Variants in SLC39A14 observed in about 807,000 individuals in gnomAD.
SLC39A14 encodes metal cation symporter ZIP14.
SLC39A14 carries 19 observed loss-of-function variants against 45.5 expected under a neutral mutation model. The ratio of observed to expected loss-of-function variants is 0.42; its 90% CI spans 0.29 to 0.61. The LOEUF (loss-of-function observed/expected upper bound fraction) is 0.61, where lower values mean the gene tolerates loss of function less well. Among genes scored for constraint, SLC39A14 ranks in the 20% least tolerant of loss-of-function variants. The pLI is 0.22. For synonymous variants in SLC39A14, 264 were observed against 251.3 expected, an observed-to-expected ratio of 1.05 and a Z score of -0.48; for missense variants, 447 against 616.5, an observed-to-expected ratio of 0.73 and a Z score of 2.91.
chr8:22,429,502 T>A (rs1396671366), intron 8 of SLC39A14, among the ~76,000 whole-genome samples: 1 of 152,256 alleles, frequency 6.6e-6, no homozygotes, highest in Non-Finnish European at 1.5e-5. Flanking sequence ...TCTGTACTAG[T>A]AGTAATTAAC....
At chr8:22,386,864 A>G (rs1210700979) in intron 1 of SLC39A14, among the ~76,000 whole-genome samples, 1 of 152,174 alleles carries the variant, frequency 6.6e-6, no homozygotes, top group Non-Finnish European at 1.5e-5. Flanking sequence ...GCCTTGAAGA[A>G]TGAGCAGCAT....
chr8:22,382,967 A>G (rs996650927), intron 1 of SLC39A14, among the ~76,000 whole-genome samples: 5 of 151,370 alleles, frequency 3.3e-5, no homozygotes, highest in African/African-American at 1.2e-4. Context: ...ATCCACCCGC[A>G]TCGGCCTCCC....
intron 1 of SLC39A14, among the ~76,000 whole-genome samples, chr8:22,399,492 A>G (rs1409263258): frequency 6.6e-6 from 1 of 152,188 alleles, no homozygotes; most frequent in Admixed American, 6.5e-5. Context: ...AGCGCTGGCC[A>G]GGCAGGGGGG....
At chr8:22,375,978 T>C (rs1193490904) in intron 1 of SLC39A14, among the ~76,000 whole-genome samples, 3 of 152,202 alleles carry the variant, frequency 2.0e-5, no homozygotes, top group Non-Finnish European at 4.4e-5. Context: ...CTGCAGGCCT[T>C]ATTTAAACGT....
Position 22,420,354 on chromosome 8 carries a change from C to A in SLC39A14, c.*656C>A, listed in dbSNP as rs1836154219. 1.9e-5 allele frequency: 19 copies of A among 985,446 alleles called. No individual in the cohort carries two copies. Among genetic ancestry groups the A allele is most frequent in the Non-Finnish European group, 2.3e-5 (19 of 829,952 alleles). 61.0% of individuals were successfully genotyped at this position (985,446 alleles called of 1,614,324 possible). Reference sequence around the variant, plus strand: ...ATGCTCACTTGTTCCTACTGAGATGCTGGATATTGATTTTGTAACAGCACC... The same window carrying A: ...ATGCTCACTTGTTCCTACTGAGATGATGGATATTGATTTTGTAACAGCACC... On this transcript the variant is annotated 3_prime_UTR_variant, in exon 9 of 9. Transcript: ENST00000381237.
At position 22,404,705 on chromosome 8, in the gene SLC39A14, G is replaced by A; in HGVS notation, c.-6G>A. 1 of 1,593,700 alleles carries A rather than the reference G, an allele frequency of 6.3e-7. No homozygotes were observed. The highest frequency in any genetic ancestry group is 8.5e-7 in the Non-Finnish European group (1 of 1,177,314). On this transcript the variant is annotated 5_prime_UTR_variant, in exon 2 of 9. Coordinates refer to ENST00000381237, the MANE Select transcript of SLC39A14 (RefSeq NM_001128431.4). Reference sequence around the variant, plus strand: ...CCTTTTTCTCTCACAGGTTTATTCAGTCACCATGAAGCTGCTGCTGCTGCA... The same window carrying A: ...CCTTTTTCTCTCACAGGTTTATTCAATCACCATGAAGCTGCTGCTGCTGCA...
At chr8:22,401,539 CTTTCTTTTT>C (rs1479317596) in intron 1 of SLC39A14, among the ~76,000 whole-genome samples, 3,502 of 115,618 alleles carry the variant, frequency 0.03, 165 homozygotes, top group African/African-American at 0.11. Context: ...TTTCTCTTCT[CTTTCTTTTT>C]TTTTTTTTTT....
intron 1 of SLC39A14, among the ~76,000 whole-genome samples, chr8:22,384,302 A>G (rs1833666691): frequency 6.6e-6 from 1 of 152,126 alleles, no homozygotes; most frequent in African/African-American, 2.4e-5. Context: ...CCTCTGCCAC[A>G]GGGAAGAGTG....
At chr8:22,428,052 G>T (rs1011240420) in intron 8 of SLC39A14, among the ~76,000 whole-genome samples, 1 of 152,016 alleles carries the variant, frequency 6.6e-6, no homozygotes, top group Non-Finnish European at 1.5e-5. Flanking sequence ...TAATCCTAAC[G>T]CTCTGGGAGG....
chr8:22,374,911 A>G (rs1052905092), intron 1 of SLC39A14, among the ~76,000 whole-genome samples: 1 of 151,718 alleles, frequency 6.6e-6, no homozygotes, highest in Admixed American at 6.6e-5. Flanking sequence ...ACACCTAGCT[A>G]ATTTTTGTGT....
At chr8:22,375,945 T>C (rs1440673036) in intron 1 of SLC39A14, among the ~76,000 whole-genome samples, 3 of 152,234 alleles carry the variant, frequency 2.0e-5, no homozygotes, top group Non-Finnish European at 4.4e-5. Context: ...GAAATCAACA[T>C]TGGCATAACA....
At chr8:22,375,866 A>G (rs1290603448) in intron 1 of SLC39A14, among the ~76,000 whole-genome samples, 1 of 152,206 alleles carries the variant, frequency 6.6e-6, no homozygotes, top group Non-Finnish European at 1.5e-5. Flanking sequence ...TGTACAGAAG[A>G]GTTGCAAAAA....
chr8:22,401,657 C>A (rs1265265018), intron 1 of SLC39A14, among the ~76,000 whole-genome samples: 2 of 146,762 alleles, frequency 1.4e-5, no homozygotes, highest in African/African-American at 5.0e-5. Context: ...AAGTGACTCT[C>A]CTGCCTCATC....
chr8:22,421,259 A>G lies in SLC39A14; in HGVS notation c.*1561A>G, dbSNP rs955550869. 4 of 985,732 alleles carry G rather than the reference A, an allele frequency of 4.1e-6. No homozygotes were observed. The African/African-American group carries it at 7.0e-5, about 17-fold the overall frequency. The allele number at this position is 985,732 out of a possible 1,614,324, so 61.1% of individuals were successfully genotyped here. On this transcript the variant is annotated 3_prime_UTR_variant, in exon 9 of 9. Transcript: ENST00000381237. ...GCCTGAGCTTTTCTCTTACATAGAA[A>G]AACTGTCCGCTCTCAGTAATCACAA...
intron 1 of SLC39A14, among the ~76,000 whole-genome samples, chr8:22,399,566 T>A (rs1834731355): frequency 6.6e-6 from 1 of 152,224 alleles, no homozygotes; most frequent in Non-Finnish European, 1.5e-5. Context: ...GATGCTGTCT[T>A]GTGGGCGTCA....
At chr8:22,380,752 C>G (rs1833460986) in intron 1 of SLC39A14, among the ~76,000 whole-genome samples, 1 of 151,814 alleles carries the variant, frequency 6.6e-6, no homozygotes, top group South Asian at 2.1e-4. Context: ...TAATGGCCCA[C>G]TACTGATTTG....
At chr8:22,379,031 G>A (rs1297017737) in intron 1 of SLC39A14, among the ~76,000 whole-genome samples, 1 of 152,206 alleles carries the variant, frequency 6.6e-6, no homozygotes, top group Non-Finnish European at 1.5e-5. Flanking sequence ...GACAGCTCTA[G>A]GGGAGAATGC....
At chr8:22,407,196 G>A (rs1324423228) in intron 2 of SLC39A14, among the ~76,000 whole-genome samples, 1 of 152,110 alleles carries the variant, frequency 6.6e-6, no homozygotes, top group South Asian at 2.1e-4. Context: ...GGGCTGATCG[G>A]GCAGCACCAC....
intron 1 of SLC39A14, chr8:22,398,619 T>C (rs2132280167): frequency 1.6e-6 from 1 of 623,880 alleles, no homozygotes; most frequent in Non-Finnish European, 2.0e-6. Flanking sequence ...CTGTTGCCTG[T>C]TCTCATATCT....
Sources: gnomAD v4.1 joint callset for allele counts (sites outside exome capture counted in the v4.1 genomes callset) on GRCh38, gnomAD v4.1.1 for gene constraint, MANE v1.5 for transcripts, NCBI Gene and HGNC (gene_info 2026-07-23, HGNC 2026-07-21) for gene names.